TSSC4: variants seen among roughly 807,000 people sequenced by gnomAD.
TSSC4 encodes U5 small nuclear ribonucleoprotein TSSC4.
For synonymous variants in TSSC4, 259 were observed against 197.9 expected (o/e 1.31, Z -2.59); for missense variants, 500 against 443.9 (o/e 1.13, Z -1.14).
chr11:2,401,615 T>A (rs1289958914), intron 1 of TSSC4: 1 of 151,842 alleles, frequency 6.6e-6, no homozygotes, highest in Non-Finnish European at 1.5e-5. Flanking sequence ...AGGAGAGGAG[T>A]CGGTGGATGG....
rs778513293 is a variant in TSSC4 at position 2,402,987 on chromosome 11, C to A, written c.354C>A (p.Asp118Glu). 1.9e-6 allele frequency: 3 copies of A among 1,609,112 alleles called. No individual in the cohort carries two copies. Among genetic ancestry groups the A allele is most frequent in the Non-Finnish European group, 2.5e-6 (3 of 1,178,158 alleles). The part of the protein sequence containing the change: ...PSSVAHTSMS[D>E]NGGFKRPLAP... The stretch of plus-strand genomic sequence containing the variant: ...CTGTGGCCCACACCAGCATGAGTGA[C>A]AACGGAGGCTTCAAGCGGCCCCTAG... The change falls in exon 3 of 3, where the codon GAC becomes GAA. Residue 118 changes from aspartate (D) to glutamate (E), a missense_variant. Transcript: ENST00000333256.
In TSSC4 at chr11:2,403,207, G is replaced by T; in HGVS notation, c.574G>T (p.Ala192Ser). The stretch of plus-strand genomic sequence containing the variant: ...GGCCTTCCTGGGCTCCCAGAGCCTG[G>T]CTGCCCCCACTGACTGCGTGTCCTC... ...ALAFLGSQSL[A>S]APTDCVSSFN... Residue 192 changes from alanine (A) to serine (S), a missense_variant, in exon 3 of 3, where the codon GCT becomes TCT. Ala to Ser is a moderately conservative substitution (Grantham distance 99, BLOSUM62 1). Transcript: ENST00000333256. The T allele has an allele frequency of 6.2e-7, 1 of 1,612,734 alleles. No homozygotes were observed. Among genetic ancestry groups the T allele is most frequent in the South Asian group, 1.1e-5 (1 of 91,008 alleles).
Position 2,403,419 on chromosome 11 carries a change from G to A in TSSC4, c.786G>A (p.Gly262=), listed in dbSNP as rs1335454473. The part of the protein sequence containing the change: ...EGPVELAHLA[G]PGSPEAEEWG... ...CTGTGGAGCTGGCCCATCTGGCCGG[G>A]CCCGGGAGCCCAGAGGCTGAGGAGT... The change falls in exon 3 of 3, where the codon GGG becomes GGA. Residue 262 remains glycine (G), a synonymous_variant. Transcript: ENST00000333256. 1.8e-5 allele frequency: 28 copies of A among 1,593,180 alleles called. No individual in the cohort carries two copies. Among genetic ancestry groups the A allele is most frequent in the Non-Finnish European group, 2.4e-5 (28 of 1,169,134 alleles).
chr11:2,401,768 G>A (rs1035406059), intron 1 of TSSC4: 1 of 152,350 alleles, frequency 6.6e-6, no homozygotes, highest in Non-Finnish European at 1.5e-5. Flanking sequence ...CAGGGTATGT[G>A]CTGAGTGTTA....
Position 2,402,394 on chromosome 11 carries a change from G to C in TSSC4, c.-80G>C, listed in dbSNP as rs574738161. ...CATCAGGGCTCCGTCCACTTGGCCC[G>C]CTTGGCTGTCCAATCACACTCCAGT... On this transcript the variant is annotated 5_prime_UTR_variant, in exon 2 of 3. Transcript: ENST00000333256. 3.7e-6 allele frequency: 2 copies of C among 533,970 alleles called. No individual in the cohort carries two copies. Among genetic ancestry groups the C allele is most frequent in the Non-Finnish European group, 6.6e-6 (2 of 301,310 alleles). 33.1% of individuals were successfully genotyped at this position (533,970 alleles called of 1,614,324 possible). A position where few individuals can be genotyped will look rare whatever the true frequency, so the allele number is the denominator to read the frequency against.
rs1253463774 is a variant in TSSC4 at position 2,403,394 on chromosome 11, C to G, written c.761C>G (p.Pro254Arg). The G allele has an allele frequency of 6.2e-7, 1 of 1,603,298 alleles. No homozygotes were observed. The highest frequency in any genetic ancestry group is 1.3e-5 in the African/African-American group (1 of 74,860). Reference protein sequence around the residue: ...GNPATDRGEGPVELAHLAGPG... With the variant: ...GNPATDRGEGRVELAHLAGPG... ...CCTGCCACAGACAGGGGCGAGGGCC[C>G]TGTGGAGCTGGCCCATCTGGCCGGG... The change falls in exon 3 of 3, where the codon CCT becomes CGT. Residue 254 changes from proline (P) to arginine (R), a missense_variant. Coordinates refer to ENST00000333256, the MANE Select transcript of TSSC4 (RefSeq NM_005706.4).
chr11:2,401,116 C>T (rs543238505), intron 1 of TSSC4: 2 of 152,366 alleles, frequency 1.3e-5, no homozygotes, highest in East Asian at 3.9e-4. Flanking sequence ...CGGCTTCCTT[C>T]AGCCTACGGA....
rs765911423 is a variant in TSSC4 at position 2,402,621 on chromosome 11, G to C, written c.-13G>C. 1.1e-5 allele frequency: 17 copies of C among 1,581,750 alleles called. No individual in the cohort carries two copies. Among genetic ancestry groups the C allele is most frequent in the African/African-American group, 1.3e-5 (1 of 74,628 alleles). ...GCTGTTTTGGTTTAGGTGTGGCGTG[G>C]CCCTGGGGACGCATGGCTGAGGCAG... is the stretch of plus-strand genomic sequence containing the variant. On this transcript the variant is annotated 5_prime_UTR_variant, in exon 3 of 3. Coordinates refer to ENST00000333256, the MANE Select transcript of TSSC4 (RefSeq NM_005706.4).
chr11:2,402,491 G>A, intron 2 of TSSC4, 41 bp downstream of exon 2: 2 of 925,500 alleles, frequency 2.2e-6, no homozygotes, highest in Non-Finnish European at 3.2e-6. Flanking sequence ...ACTCCACCCT[G>A]TGTGGGACAG....
Position 2,403,753 on chromosome 11 carries a change from C to T in TSSC4, c.*130C>T. ...GAAGCCTGCAGGTGGCACCGGTGGC[C>T]CTGGCTGCAGTTCTGGGCAGCATCC... On this transcript the variant is annotated 3_prime_UTR_variant, in exon 3 of 3. Transcript: ENST00000333256. 2.0e-5 allele frequency: 20 copies of T among 997,068 alleles called. No individual in the cohort carries two copies. Among genetic ancestry groups the T allele is most frequent in the East Asian group, 3.0e-5 (1 of 32,962 alleles). 61.8% of individuals were successfully genotyped at this position (997,068 alleles called of 1,614,324 possible). A position where few individuals can be genotyped will look rare whatever the true frequency, so the allele number is the denominator to read the frequency against.
At chr11:2,401,291 G>C (rs1158092352) in intron 1 of TSSC4, 1 of 152,258 alleles carries the variant, frequency 6.6e-6, no homozygotes, top group African/African-American at 2.4e-5. Flanking sequence ...TGCAGAGGAC[G>C]GGAGTGCGAA....
At chr11:2,401,684 A>C (rs1850150611) in intron 1 of TSSC4, among the ~76,000 whole-genome samples, 1 of 152,114 alleles carries the variant, frequency 6.6e-6, no homozygotes, top group African/African-American at 2.4e-5. Context: ...CTGGAAATTC[A>C]AGTTCTGAGG....
chr11:2,403,299 C>A lies in TSSC4; in HGVS notation c.666C>A (p.Val222=). Residue 222 remains valine (V), a synonymous_variant, in exon 3 of 3, where the codon GTC becomes GTA. Coordinates refer to ENST00000333256, the MANE Select transcript of TSSC4 (RefSeq NM_005706.4). Reference sequence around the variant, plus strand: ...TCTTCACCAAACCAGTCCGAGGGGTCGAAGCCAGACACGAGAGGAAGAGGG... The same window carrying A: ...TCTTCACCAAACCAGTCCGAGGGGTAGAAGCCAGACACGAGAGGAAGAGGG... The part of the protein sequence containing the change: ...RVIFTKPVRG[V]EARHERKRVL... 1 of 1,612,178 alleles carries A rather than the reference C, an allele frequency of 6.2e-7. No homozygotes were observed. Among genetic ancestry groups the A allele is most frequent in the Non-Finnish European group, 8.5e-7 (1 of 1,179,458 alleles).
intron 1 of TSSC4, chr11:2,401,845 T>C (rs1429504942): frequency 2.0e-5 from 3 of 152,194 alleles, no homozygotes; most frequent in African/African-American, 7.2e-5. Context: ...ACAGGGCTGC[T>C]CAAGGTGATG....
Position 2,403,062 on chromosome 11 carries a change from C to A in TSSC4, c.429C>A (p.Ser143Arg). 1 of 1,610,036 alleles carries A rather than the reference C, an allele frequency of 6.2e-7. No homozygotes were observed. Among genetic ancestry groups the A allele is most frequent in the Non-Finnish European group, 8.5e-7 (1 of 1,178,878 alleles). Residue 143 changes from serine to arginine, a missense_variant, in exon 3 of 3, where the codon AGC becomes AGA. Coordinates refer to ENST00000333256, the MANE Select transcript of TSSC4 (RefSeq NM_005706.4). Reference sequence around the variant, plus strand: ...AAGGCCTGGGCAGGGCCCATCGGAGCCCTGCCTCACCAAGGGTGCCTCCGG... The same window carrying A: ...AAGGCCTGGGCAGGGCCCATCGGAGACCTGCCTCACCAAGGGTGCCTCCGG... ...PVEGLGRAHR[S>R]PASPRVPPVP...
Position 2,402,881 on chromosome 11 carries a change from G to C in TSSC4, c.248G>C (p.Arg83Thr), listed in dbSNP as rs745665453. ...GCCACGGTGCAGCCATTCCATCTGA[G>C]AGGCATGAGCTCCACCTTCTCCCAG... ...LPATVQPFHL[R>T]GMSSTFSQRS... Residue 83 changes from arginine to threonine, a missense_variant, in exon 3 of 3, where the codon AGA becomes ACA. Transcript: ENST00000333256. 3 of 1,611,982 alleles carry C rather than the reference G, an allele frequency of 1.9e-6. No homozygotes were observed. The African/African-American group carries it at 4.0e-5, about 22-fold the overall frequency.
At position 2,403,753 on chromosome 11, in the gene TSSC4, C is replaced by G; in HGVS notation, c.*130C>G. ...GAAGCCTGCAGGTGGCACCGGTGGC[C>G]CTGGCTGCAGTTCTGGGCAGCATCC... is the stretch of plus-strand genomic sequence containing the variant. On this transcript the variant is annotated 3_prime_UTR_variant, in exon 3 of 3. Coordinates refer to ENST00000333256, the MANE Select transcript of TSSC4 (RefSeq NM_005706.4). 1.0e-6 allele frequency: 1 copy of G among 997,186 alleles called. No homozygotes were observed. The highest frequency in any genetic ancestry group is 3.6e-5 in the Admixed American group (1 of 27,706). The allele number at this position is 997,186 out of a possible 1,614,324, so 61.8% of individuals were successfully genotyped here.
Position 2,403,394 on chromosome 11 carries a change from C to T in TSSC4, c.761C>T (p.Pro254Leu), listed in dbSNP as rs1253463774. 1.2e-6 allele frequency: 2 copies of T among 1,603,298 alleles called. No individual in the cohort carries two copies. Among genetic ancestry groups the T allele is most frequent in the Non-Finnish European group, 1.7e-6 (2 of 1,174,194 alleles). ...CCTGCCACAGACAGGGGCGAGGGCC[C>T]TGTGGAGCTGGCCCATCTGGCCGGG... ...GNPATDRGEG[P>L]VELAHLAGPG... Residue 254 changes from proline to leucine, a missense_variant, in exon 3 of 3, where the codon CCT becomes CTT. Pro to Leu is a moderately conservative substitution (Grantham distance 98). Transcript: ENST00000333256.
At chr11:2,401,696 AC>A (rs1411801649) in intron 1 of TSSC4, 1 of 152,234 alleles carries the variant, frequency 6.6e-6, no homozygotes, top group African/African-American at 2.4e-5. Flanking sequence ...GTTCTGAGGC[AC>A]CCAGTCACTC....
Sources: allele counts gnomAD v4.1 joint callset (sites outside exome capture counted in the v4.1 genomes callset), GRCh38; gene constraint gnomAD v4.1.1; transcripts MANE v1.5; gene names NCBI Gene and HGNC (gene_info 2026-07-23, HGNC 2026-07-21).